The following CNTN4 variants were observed in gnomAD, a reference collection of about 807,000 sequenced individuals.
CNTN4 encodes the protein contactin 4.
A neutral mutation model predicts 122.5 loss-of-function variants in CNTN4; 77 were observed. The observed-to-expected ratio is 0.63, with a 90% CI of 0.52 to 0.76. The LOEUF (loss-of-function observed/expected upper bound fraction) is 0.76. CNTN4 is among the 30% of genes least tolerant of loss of function. The pLI is 0.00. For missense variants in CNTN4, 1,256 were observed against 1,259.1 expected, an observed-to-expected ratio of 1.00 and a Z score of 0.04; for synonymous variants, 512 against 447.0, an observed-to-expected ratio of 1.15 and a Z score of -1.83.
chr3:2,395,515 C>G (rs2046609530), intron 3 of CNTN4, among the ~76,000 whole-genome samples: 1 of 152,110 alleles, frequency 6.6e-6, no homozygotes, highest in African/African-American at 2.4e-5. Context: ...TTTCGTGATG[C>G]TGAGGTTTGT....
At chr3:2,676,809 T>C (rs1473200148) in intron 4 of CNTN4, among the ~76,000 whole-genome samples, 2 of 152,170 alleles carry the variant, frequency 1.3e-5, no homozygotes, top group Non-Finnish European at 2.9e-5. Context: ...AAAGACACAG[T>C]TTTTGAAAAA....
At chr3:3,005,045 A>T (rs1696479333) in intron 14 of CNTN4, among the ~76,000 whole-genome samples, 1 of 152,172 alleles carries the variant, frequency 6.6e-6, no homozygotes, top group African/African-American at 2.4e-5. Context: ...GCACACATTC[A>T]CTGCCAAATA....
intron 7 of CNTN4, among the ~76,000 whole-genome samples, chr3:2,859,381 G>A (rs7636197): frequency 0.2 from 29,665 of 152,004 alleles, 2,992 homozygotes; most frequent in Middle Eastern, 0.27. Flanking sequence ...GTGCAGATAC[G>A]TCTCTTCAAC....
At chr3:2,449,332 G>C (rs1331576634) in intron 3 of CNTN4, among the ~76,000 whole-genome samples, 1 of 151,936 alleles carries the variant, frequency 6.6e-6, no homozygotes, top group Non-Finnish European at 1.5e-5. Flanking sequence ...CAGACAGATA[G>C]GGCTGGGCGT....
At chr3:2,386,388 T>C (rs2046258919) in intron 3 of CNTN4, among the ~76,000 whole-genome samples, 2 of 152,190 alleles carry the variant, frequency 1.3e-5, no homozygotes, top group South Asian at 4.2e-4. Flanking sequence ...TTTACTGTAA[T>C]CACTTCAGAC....
intron 3 of CNTN4, among the ~76,000 whole-genome samples, chr3:2,569,496 A>G (rs1015141909): frequency 6.6e-6 from 1 of 152,212 alleles, no homozygotes; most frequent in Admixed American, 6.5e-5. Flanking sequence ...CCATAAATAT[A>G]TACAATTATT....
At chr3:2,150,870 T>G (rs952026396) in intron 2 of CNTN4, among the ~76,000 whole-genome samples, 3 of 152,190 alleles carry the variant, frequency 2.0e-5, no homozygotes, top group South Asian at 2.1e-4. Flanking sequence ...CCATTTTTCT[T>G]ACACATTAAG....
At chr3:2,328,996 C>G (rs1039232054) in intron 2 of CNTN4, among the ~76,000 whole-genome samples, 4 of 151,850 alleles carry the variant, frequency 2.6e-5, no homozygotes, top group Non-Finnish European at 2.9e-5. Context: ...GGGTTTTAAA[C>G]TAATTTTTGA....
intron 6 of CNTN4, among the ~76,000 whole-genome samples, chr3:2,761,444 G>GTGTGTT (rs1194739156): frequency 5.8e-5 from 3 of 51,986 alleles, no homozygotes; most frequent in Non-Finnish European, 2.3e-4. Context: ...TAACCTGTGT[G>GTGTGTT]TGTGTGTGTG....
intron 13 of CNTN4, among the ~76,000 whole-genome samples, chr3:2,943,349 C>T (rs1222592966): frequency 2.0e-5 from 3 of 152,074 alleles, no homozygotes; most frequent in Admixed American, 6.5e-5. Flanking sequence ...AGCATAACAG[C>T]ATGAACAACT....
At chr3:2,869,750 G>A (rs969171243) in intron 8 of CNTN4, among the ~76,000 whole-genome samples, 1 of 152,080 alleles carries the variant, frequency 6.6e-6, no homozygotes, top group Non-Finnish European at 1.5e-5. Flanking sequence ...GCTCCAGCAC[G>A]GTGCTTGCCA....
intron 3 of CNTN4, among the ~76,000 whole-genome samples, chr3:2,481,846 C>T (rs79900123): frequency 0.016 from 2,385 of 152,192 alleles, 18 homozygotes; most frequent in Non-Finnish European, 0.023. Flanking sequence ...TCTCTCCTGC[C>T]GCCCTGTGAA....
intron 3 of CNTN4, among the ~76,000 whole-genome samples, chr3:2,472,813 T>C (rs2075724979): frequency 6.6e-6 from 1 of 152,222 alleles, no homozygotes; most frequent in African/African-American, 2.4e-5. Context: ...CCATAGAATT[T>C]TATAGGTGAA....
chr3:2,633,791 A>C (rs893447591), intron 4 of CNTN4, among the ~76,000 whole-genome samples: 4 of 152,060 alleles, frequency 2.6e-5, no homozygotes, highest in African/African-American at 7.3e-5. Flanking sequence ...CTCAAAATCT[A>C]CCTCCTGTTA....
At chr3:2,147,644 C>A (rs1394292690) in intron 2 of CNTN4, among the ~76,000 whole-genome samples, 1 of 152,140 alleles carries the variant, frequency 6.6e-6, no homozygotes, top group Non-Finnish European at 1.5e-5. Flanking sequence ...CCCATTATTT[C>A]CCATCTCAAC....
intron 4 of CNTN4, among the ~76,000 whole-genome samples, chr3:2,627,460 A>G (rs2082234616): frequency 6.7e-6 from 1 of 149,098 alleles, no homozygotes; most frequent in Non-Finnish European, 1.5e-5. Context: ...GGGCTCTGTC[A>G]TCCACATGAG....
chr3:2,492,298 C>T (rs1281049871), intron 3 of CNTN4, among the ~76,000 whole-genome samples: 4 of 152,110 alleles, frequency 2.6e-5, no homozygotes, highest in Admixed American at 1.3e-4. Context: ...TCCTTCTAAA[C>T]GTGTCCCAAA....
chr3:2,782,019 T>C (rs1029322419), intron 6 of CNTN4, among the ~76,000 whole-genome samples: 13 of 151,764 alleles, frequency 8.6e-5, no homozygotes, highest in Non-Finnish European at 1.5e-4. Context: ...CACCGGTAAA[T>C]TTAAACAATA....
chr3:2,649,399 A>C (rs934820632), intron 4 of CNTN4, among the ~76,000 whole-genome samples: 1 of 152,154 alleles, frequency 6.6e-6, no homozygotes, highest in Non-Finnish European at 1.5e-5. Flanking sequence ...GACAGTGTTC[A>C]TTGACCATCC....
Sources: gnomAD v4.1 joint callset for allele counts (sites outside exome capture counted in the v4.1 genomes callset) on GRCh38, gnomAD v4.1.1 for gene constraint, MANE v1.5 for transcripts, NCBI Gene and HGNC (gene_info 2026-07-23, HGNC 2026-07-21) for gene names.